The following HDGFL3 variants were observed in gnomAD, a reference collection of about 807,000 sequenced individuals.
The protein encoded by HDGFL3 is HDGF like 3, also known as hepatoma-derived growth factor-related protein 3.
HDGFL3 carries 6 observed loss-of-function variants against 27.6 expected under a neutral mutation model. The observed-to-expected ratio is 0.22, with a 90% CI of 0.12 to 0.43. The LOEUF is 0.43. HDGFL3 is among the 20% of genes least tolerant of loss of function. The probability of loss-of-function intolerance (pLI) is 1.00; values close to 1 mark genes in which losing one functional copy is unlikely to be tolerated. For missense variants in HDGFL3, 207 were observed against 250.1 expected (o/e 0.83, Z 1.16); for synonymous variants, 88 against 88.9 (o/e 0.99, Z 0.05).
chr15:83,178,474 G>A (rs1365933757), intron 1 of HDGFL3, among the ~76,000 whole-genome samples: 4 of 151,918 alleles, frequency 2.6e-5, no homozygotes, highest in East Asian at 1.9e-4. Context: ...CTTCTACCCC[G>A]GGCAACACAG....
At chr15:83,205,935 TG>T (rs1413430963) in intron 1 of HDGFL3, among the ~76,000 whole-genome samples, 1 of 152,232 alleles carries the variant, frequency 6.6e-6, no homozygotes, top group Non-Finnish European at 1.5e-5. Context: ...TACTGGAACC[TG>T]AATAAGACTG....
rs1176549011 is a variant in HDGFL3, at chr15:83,139,178, T to C, written c.*92A>G. Reference sequence around the variant, plus strand: ...GTTCTGTCAATGACAACAAGGACTATGTGTTGGTTCATATCAAATCCAAGA... The same window carrying C: ...GTTCTGTCAATGACAACAAGGACTACGTGTTGGTTCATATCAAATCCAAGA... On this transcript the variant is annotated 3_prime_UTR_variant, in exon 6 of 6. Coordinates refer to ENST00000299633, the MANE Select transcript of HDGFL3 (RefSeq NM_016073.4). The C allele has an allele frequency of 2.6e-6, 2 of 767,396 alleles. No individual in the cohort carries two copies. Among genetic ancestry groups the C allele is most frequent in the Non-Finnish European group, 3.9e-6 (2 of 518,508 alleles). 47.5% of individuals were successfully genotyped at this position (767,396 alleles called of 1,614,324 possible).
chr15:83,187,158 CTT>C (rs201809112), intron 1 of HDGFL3, among the ~76,000 whole-genome samples: 14 of 130,910 alleles, frequency 1.1e-4, no homozygotes, highest in Admixed American at 1.5e-4. Flanking sequence ...CTTGGAAATT[CTT>C]TTTTTTTTTT....
downstream of HDGFL3, chr15:83,124,869 C>A: frequency 8.6e-7 from 1 of 1,158,580 alleles, no homozygotes; most frequent in Non-Finnish European, 1.3e-6. Context: ...GTTTTTCCAT[C>A]AGACTTCTTA....
intron 1 of HDGFL3, among the ~76,000 whole-genome samples, chr15:83,195,239 T>C (rs1466097859): frequency 6.6e-6 from 1 of 152,170 alleles, no homozygotes; most frequent in Non-Finnish European, 1.5e-5. Flanking sequence ...CAGACAAATA[T>C]TGGGCAAAAA....
intron 4 of HDGFL3, among the ~76,000 whole-genome samples, chr15:83,153,122 C>T (rs929484750): frequency 1.3e-5 from 2 of 151,714 alleles, no homozygotes; most frequent in African/African-American, 4.8e-5. Context: ...GCCTTAGCCT[C>T]CCGAGTAGCT....
chr15:83,126,423 T>C (rs985359373), downstream of HDGFL3, among the ~76,000 whole-genome samples: 1 of 152,176 alleles, frequency 6.6e-6, no homozygotes, highest in African/African-American at 2.4e-5. Context: ...CTGTAGGGAA[T>C]AGGGGGCTAG....
At chr15:83,116,421 C>T (rs796695706) in intron 3 of HDGFL3, among the ~76,000 whole-genome samples, 7 of 152,146 alleles carry the variant, frequency 4.6e-5, no homozygotes, top group African/African-American at 1.7e-4. Context: ...AGAGCTAGTC[C>T]TATTTTCTTA....
intron 1 of HDGFL3, among the ~76,000 whole-genome samples, chr15:83,187,086 T>C (rs1281486032): frequency 6.6e-6 from 1 of 152,158 alleles, no homozygotes; most frequent in African/African-American, 2.4e-5. Flanking sequence ...TATCTTTTCA[T>C]GTCATATATA....
chr15:83,151,452 C>G, intron 4 of HDGFL3, 91 bp from the exon 5 acceptor site: 1 of 1,115,066 alleles, frequency 9.0e-7, no homozygotes, highest in Non-Finnish European at 1.3e-6. Context: ...TTGCATCTAT[C>G]TAGTTTTAGT....
In HDGFL3 at chr15:83,134,464, C is replaced by G. The variant is rs1200427763; in HGVS notation, c.*4806G>C. The stretch of plus-strand genomic sequence containing the variant: ...TCTTGAACTCCTGACCTCAGGTGAT[C>G]CACCCGCCTTGGCCTCCCAAAGTAC... On this transcript the variant is annotated 3_prime_UTR_variant, in exon 6 of 6. Coordinates refer to ENST00000299633, the MANE Select transcript of HDGFL3 (RefSeq NM_016073.4). The G allele has an allele frequency of 6.6e-6, 1 of 152,234 alleles. No homozygotes were observed. The allele number at this position is 152,234 out of a possible 1,614,324, so 9.4% of individuals were successfully genotyped here.
chr15:83,148,084 C>T (rs887195117), intron 5 of HDGFL3, among the ~76,000 whole-genome samples: 10 of 152,208 alleles, frequency 6.6e-5, no homozygotes, highest in Non-Finnish European at 1.3e-4. Flanking sequence ...CCATTTTATA[C>T]TCACTATATT....
At chr15:83,202,636 A>G (rs2037661712) in intron 1 of HDGFL3, among the ~76,000 whole-genome samples, 1 of 152,138 alleles carries the variant, frequency 6.6e-6, no homozygotes, top group Admixed American at 6.5e-5. Context: ...CCTAACTCAT[A>G]TAAAATGTGT....
chr15:83,121,184 C>T (rs1426826279), intron 3 of HDGFL3, among the ~76,000 whole-genome samples: 1 of 152,078 alleles, frequency 6.6e-6, no homozygotes, highest in Non-Finnish European at 1.5e-5. Flanking sequence ...ATTTCTCCTG[C>T]CTCAGCCTCC....
At chr15:83,126,880 A>T (rs759994540), downstream of HDGFL3, 4 of 1,554,596 alleles carry the variant, frequency 2.6e-6, no homozygotes, top group Admixed American at 7.2e-5. Context: ...GATTTTTCTA[A>T]AATTAATTTT....
intron 1 of HDGFL3, among the ~76,000 whole-genome samples, chr15:83,166,692 C>T (rs1035332240): frequency 3.9e-5 from 6 of 152,106 alleles, no homozygotes; most frequent in Non-Finnish European, 5.9e-5. Flanking sequence ...TTCAGGGGAC[C>T]TCAGGAAACT....
chr15:83,175,397 A>G (rs1256988305), intron 1 of HDGFL3, among the ~76,000 whole-genome samples: 1 of 152,240 alleles, frequency 6.6e-6, no homozygotes, highest in Non-Finnish European at 1.5e-5. Context: ...ATGTTCAAGT[A>G]TCTACACTTT....
intron 2 of HDGFL3, 149 bp from the exon 3 acceptor site, chr15:83,158,190 G>T: frequency 1.6e-6 from 1 of 635,192 alleles, no homozygotes; most frequent in Non-Finnish European, 2.5e-6. Flanking sequence ...CATATTACGA[G>T]GTGTTTCAGA....
At chr15:83,149,577 C>A (rs948449854) in intron 5 of HDGFL3, among the ~76,000 whole-genome samples, 1 of 151,976 alleles carries the variant, frequency 6.6e-6, no homozygotes, top group Non-Finnish European at 1.5e-5. Context: ...GAGGTGAAAA[C>A]GAAGACTAAA....
Sources: gnomAD v4.1 joint callset for allele counts (sites outside exome capture counted in the v4.1 genomes callset) on GRCh38, gnomAD v4.1.1 for gene constraint, MANE v1.5 for transcripts, NCBI Gene and HGNC (gene_info 2026-07-23, HGNC 2026-07-21) for gene names.